IPO11: variants seen among roughly 807,000 people sequenced by gnomAD.
IPO11 encodes importin 11, also known as importin-11.
In IPO11, 66 loss-of-function variants were observed where a neutral mutation model predicts 143.2. The ratio of observed to expected loss-of-function variants is 0.46; its 90% confidence interval spans 0.38 to 0.57. IPO11 has a LOEUF of 0.57. IPO11 is among the 20% of genes least tolerant of loss of function. The pLI, the probability that IPO11 is intolerant of heterozygous loss-of-function variation, is 0.00. For synonymous variants in IPO11, 385 were observed against 377.8 expected, an observed-to-expected ratio of 1.02 and a Z score of -0.22; for missense variants, 1,026 against 1,141.0, an observed-to-expected ratio of 0.90 and a Z score of 1.45.
chr5:62,518,711 G>A (rs942524807), intron 20 of IPO11, among the ~76,000 whole-genome samples: 11 of 152,128 alleles, frequency 7.2e-5, no homozygotes, highest in Non-Finnish European at 1.6e-4. Context: ...GTAAGTTTCT[G>A]TATGTTTTTG....
chr5:62,452,657 G>A (rs1744976078), intron 5 of IPO11, among the ~76,000 whole-genome samples: 1 of 117,994 alleles, frequency 8.5e-6, no homozygotes, highest in African/African-American at 3.5e-5. Context: ...TTTTGGTTTT[G>A]GGTTCGTGTG....
chr5:62,527,709 GT>G (rs1339818422), intron 21 of IPO11, among the ~76,000 whole-genome samples: 1 of 152,106 alleles, frequency 6.6e-6, no homozygotes, highest in Non-Finnish European at 1.5e-5. Flanking sequence ...TAATGGTAAT[GT>G]TTTTTCCTAG....
chr5:62,565,792 C>A (rs576319690), intron 27 of IPO11, among the ~76,000 whole-genome samples: 5 of 151,968 alleles, frequency 3.3e-5, no homozygotes, highest in Admixed American at 6.5e-5. Flanking sequence ...CCCTACCCCC[C>A]CAACTGGCCC....
chr5:62,464,127 GTGTT>G (rs1745481707), intron 5 of IPO11, among the ~76,000 whole-genome samples: 1 of 137,050 alleles, frequency 7.3e-6, no homozygotes, highest in East Asian at 2.3e-4. Flanking sequence ...TCTGGTCTAT[GTGTT>G]TGTTTTTGGT....
chr5:62,490,820 A>G (rs1004700541), intron 15 of IPO11, among the ~76,000 whole-genome samples: 7 of 152,014 alleles, frequency 4.6e-5, no homozygotes, highest in Non-Finnish European at 1.0e-4. Context: ...CAGTGGTGCA[A>G]TCTCAGCTCA....
chr5:62,448,164 T>C (rs901530413), intron 3 of IPO11, among the ~76,000 whole-genome samples: 3 of 152,162 alleles, frequency 2.0e-5, no homozygotes, highest in Non-Finnish European at 2.9e-5. Flanking sequence ...CCTGAGTCCT[T>C]TATTTAGTAT....
chr5:62,596,424 G>T (rs1049922063), intron 28 of IPO11, among the ~76,000 whole-genome samples: 3 of 152,150 alleles, frequency 2.0e-5, no homozygotes, highest in Non-Finnish European at 4.4e-5. Context: ...TCTGTAGTCA[G>T]TGGAGGTCCA....
At chr5:62,567,070 T>A (rs796332250) in intron 27 of IPO11, among the ~76,000 whole-genome samples, 158 of 152,314 alleles carry the variant, frequency 1.0e-3, no homozygotes, top group African/African-American at 3.6e-3. Flanking sequence ...TTCTTTAAGA[T>A]TGATGAATTC....
At chr5:62,573,567 T>G (rs75964695) in intron 27 of IPO11, among the ~76,000 whole-genome samples, 3,362 of 152,286 alleles carry the variant, frequency 0.022, 123 homozygotes, top group African/African-American at 0.076. Context: ...GTGGTTATTG[T>G]AGTGAGAAAG....
chr5:62,478,691 G>A (rs2112214072), intron 9 of IPO11, among the ~76,000 whole-genome samples: 1 of 152,192 alleles, frequency 6.6e-6, no homozygotes, highest in South Asian at 2.1e-4. Context: ...GTAATTTTCT[G>A]TACTTTTTCA....
intron 19 of IPO11, among the ~76,000 whole-genome samples, chr5:62,514,055 C>G (rs255392): frequency 6.6e-6 from 1 of 151,140 alleles, no homozygotes; most frequent in Admixed American, 6.6e-5. Context: ...CGAGGCGCTC[C>G]TCACTTCCCA....
rs77032478 is a variant in IPO11, at chr5:62,616,790, C to A, written c.2764-10364C>A. On this transcript the variant is annotated intron_variant, in intron 29 of 29. Coordinates refer to ENST00000325324, the MANE Select transcript of IPO11 (RefSeq NM_016338.5). ...TGCTTTAGAAAAATTAGCCTCATAGCCAAACTTGGTTTATTTAACAATTTT... is the reference window on the plus strand; with the variant it reads ...TGCTTTAGAAAAATTAGCCTCATAGACAAACTTGGTTTATTTAACAATTTT... 3.7e-3 allele frequency among the ~76,000 whole-genome samples: 552 copies of A among 150,816 alleles called. 4 individuals carry two copies. Among genetic ancestry groups the A allele is most frequent in the African/African-American group, 0.013 (514 of 41,004 alleles).
At chr5:62,552,227 C>G (rs1743412616) in intron 26 of IPO11, among the ~76,000 whole-genome samples, 4 of 152,206 alleles carry the variant, frequency 2.6e-5, no homozygotes, top group South Asian at 2.1e-4. Context: ...ATATGGTATA[C>G]TTGACGAATA....
intron 27 of IPO11, among the ~76,000 whole-genome samples, chr5:62,567,486 A>ATT (rs1434264407): frequency 3.7e-3 from 175 of 47,894 alleles, no homozygotes; most frequent in Non-Finnish European, 4.8e-3. Context: ...TATTATTATT[A>ATT]TTATTATTAT....
rs1335469107 is a variant in IPO11 at position 62,420,550 on chromosome 5, C to CGAAT, written c.-7+7622_-7+7623insAATG. ...CATTAAAATCTTACGGGATCACTGTCGTATATATGTGGTCCATATCTGACT... is the reference window on the plus strand; with the variant it reads ...CATTAAAATCTTACGGGATCACTGTCGAATGTATATATGTGGTCCATATCTGACT... On this transcript the variant is annotated intron_variant, in intron 1 of 29. Coordinates refer to ENST00000325324, the MANE Select transcript of IPO11 (RefSeq NM_016338.5). Among the ~76,000 whole-genome samples, 3 of 151,118 alleles carry CGAAT rather than the reference C, an allele frequency of 2.0e-5. No individual in the cohort carries two copies. The East Asian group carries it at 5.8e-4, about 29-fold the overall frequency.
In IPO11 at chr5:62,467,247, A is replaced by G. The variant is rs1183660500; in HGVS notation, c.633A>G (p.Thr211=). The stretch of plus-strand genomic sequence containing the variant: ...CAATTTTGAGTTCACTAGAACGAAC[A>G]CTGCTATCATTGAAAGGTACTATTA... ...EAAILSSLER[T]LLSLKVLRKL... is the part of the protein sequence containing the mutation. Residue 211 remains threonine (T), a synonymous_variant, in exon 6 of 30, where the codon ACA becomes ACG. Coordinates refer to ENST00000325324, the MANE Select transcript of IPO11 (RefSeq NM_016338.5). The G allele has an allele frequency of 1.9e-6, 3 of 1,613,528 alleles. No individual in the cohort carries two copies. Among genetic ancestry groups the G allele is most frequent in the Non-Finnish European group, 2.5e-6 (3 of 1,179,850 alleles).
intron 4 of IPO11, among the ~76,000 whole-genome samples, chr5:62,450,398 A>G (rs1415492052): frequency 6.6e-6 from 1 of 152,182 alleles, no homozygotes; most frequent in Non-Finnish European, 1.5e-5. Context: ...AGCTGTCCTA[A>G]TATTGTAGTG....
intron 3 of IPO11, chr5:62,443,382 AGTGTGT>A (rs4024083): frequency 0.42 from 67,197 of 159,214 alleles, 15,332 homozygotes; most frequent in Admixed American, 0.55. Context: ...TTTCCATTTG[AGTGTGT>A]GTGTGTGTGT....
At chr5:62,550,239 C>G in intron 24 of IPO11, 128 bp from the exon 25 acceptor site, 1 of 579,100 alleles carries the variant, frequency 1.7e-6, no homozygotes, top group Non-Finnish European at 3.1e-6. Context: ...TATTGCATAC[C>G]CTGCATACGT....
Sources: gnomAD v4.1 joint callset for allele counts (sites outside exome capture counted in the v4.1 genomes callset) on GRCh38, gnomAD v4.1.1 for gene constraint, MANE v1.5 for transcripts, NCBI Gene and HGNC (gene_info 2026-07-23, HGNC 2026-07-21) for gene names.